CNIH3: variants seen among roughly 807,000 people sequenced by gnomAD.
CNIH3 encodes protein cornichon homolog 3.
A neutral mutation model predicts 24.1 loss-of-function variants in CNIH3; 14 were observed. The observed-to-expected ratio is 0.58, with a 90% CI of 0.38 to 0.91. The LOEUF is 0.91. Ranked by LOEUF, CNIH3 falls within the 40% of genes least tolerant of loss-of-function variation. CNIH3 has a pLI of 0.00. For synonymous variants in CNIH3, 68 were observed against 73.8 expected, an observed-to-expected ratio of 0.92 and a Z score of 0.40; for missense variants, 178 against 196.8, an observed-to-expected ratio of 0.90 and a Z score of 0.57.
Position 224,484,288 on chromosome 1 carries a change from G to A in CNIH3, n.204-31453G>A, listed in dbSNP as rs189693368. Among the ~76,000 whole-genome samples the A allele has an allele frequency of 2.2e-3, 334 of 152,116 alleles. 2 individuals are homozygous for A. The highest frequency in any genetic ancestry group is 7.6e-3 in the African/African-American group (315 of 41,506). On this transcript the variant is annotated intron_variant and non_coding_transcript_variant, in intron 1 of 5. Transcript: ENST00000471578. ...TACTAAAAATACAAAAAATTAGCCG[G>A]GCGCGGTAGTGGGCACCTGTAGTCC...
chr1:224,509,348 G>GGGAAAGAAGAAA (rs1288220805), intron 1 of CNIH3, among the ~76,000 whole-genome samples: 1 of 152,030 alleles, frequency 6.6e-6, no homozygotes, highest in African/African-American at 2.4e-5. Context: ...GAAAGAAGAA[G>GGGAAAGAAGAAA]GGAAAGAAGA....
chr1:224,496,333 G>A (rs1279683079), intron 1 of CNIH3, among the ~76,000 whole-genome samples: 1 of 152,180 alleles, frequency 6.6e-6, no homozygotes, highest in Non-Finnish European at 1.5e-5. Context: ...TGGCTGTCCC[G>A]TGGGCAGATG....
intron 5 of CNIH3, among the ~76,000 whole-genome samples, chr1:224,737,831 C>T (rs1689672724): frequency 1.3e-5 from 2 of 152,218 alleles, no homozygotes; most frequent in South Asian, 4.1e-4. Context: ...CACCCATCAC[C>T]CCACTTCTCA....
chr1:224,682,443 C>A (rs1686448115), intron 2 of CNIH3, among the ~76,000 whole-genome samples: 1 of 152,198 alleles, frequency 6.6e-6, no homozygotes, highest in Non-Finnish European at 1.5e-5. Flanking sequence ...CTGAGGCCCA[C>A]TTTGGCATCA....
intron 1 of CNIH3, among the ~76,000 whole-genome samples, chr1:224,486,770 T>C (rs969886131): frequency 6.6e-6 from 1 of 152,190 alleles, no homozygotes; most frequent in African/African-American, 2.4e-5. Context: ...TGAATAACAC[T>C]ACCTTCAAGA....
intron 1 of CNIH3, among the ~76,000 whole-genome samples, chr1:224,623,498 G>A (rs894593172): frequency 6.6e-6 from 1 of 152,116 alleles, no homozygotes; most frequent in Non-Finnish European, 1.5e-5. Flanking sequence ...TCAGCTGGAT[G>A]TGAGTCAGTT....
At chr1:224,554,188 T>C (rs1430860428) in intron 3 of CNIH3, among the ~76,000 whole-genome samples, 1 of 152,200 alleles carries the variant, frequency 6.6e-6, no homozygotes, top group Non-Finnish European at 1.5e-5. Context: ...GCTTGGCTTC[T>C]GTCTGGCAGA....
At chr1:224,646,926 A>G (rs1319187164) in intron 1 of CNIH3, among the ~76,000 whole-genome samples, 2 of 152,166 alleles carry the variant, frequency 1.3e-5, no homozygotes, top group Non-Finnish European at 2.9e-5. Flanking sequence ...TCAAGAGGAA[A>G]TGATTTAGCT....
intron 3 of CNIH3, among the ~76,000 whole-genome samples, chr1:224,605,961 T>G (rs1192314187): frequency 6.6e-6 from 1 of 152,190 alleles, no homozygotes; most frequent in Admixed American, 6.5e-5. Flanking sequence ...ATAGTTCCCT[T>G]GACCACTCTG....
intron 3 of CNIH3, among the ~76,000 whole-genome samples, chr1:224,551,404 G>A (rs1181283438): frequency 1.3e-5 from 2 of 152,114 alleles, no homozygotes; most frequent in East Asian, 3.9e-4. Flanking sequence ...AAAAAATGAT[G>A]AGTTCATGTC....
At chr1:224,530,610 C>CT (rs1053359409) in intron 2 of CNIH3, among the ~76,000 whole-genome samples, 7 of 147,746 alleles carry the variant, frequency 4.7e-5, no homozygotes, top group Admixed American at 6.7e-5. Flanking sequence ...TTCTTTTTTT[C>CT]TTTTTTTTTA....
At chr1:224,474,710 G>A (rs1192164979) in intron 1 of CNIH3, among the ~76,000 whole-genome samples, 3 of 151,888 alleles carry the variant, frequency 2.0e-5, no homozygotes, top group Admixed American at 2.0e-4. Context: ...TCCAGACTAA[G>A]AAAAAAAGAA....
Position 224,534,602 on chromosome 1 carries a change from A to G in CNIH3, n.344-2334A>G, listed in dbSNP as rs545446227. Among the ~76,000 whole-genome samples, 6 of 152,338 alleles carry G rather than the reference A, an allele frequency of 3.9e-5. No homozygotes were observed. In the East Asian group the frequency reaches 1.2e-3, roughly 29 times the overall value. ...GAACAGAGATTATTTTTCTTGAGTT[A>G]AAGTCTTTGGAAGAAGCAGTAATGG... On this transcript the variant is annotated intron_variant and non_coding_transcript_variant, in intron 2 of 2. Coordinates refer to the CNIH3 transcript ENST00000470602.
At chr1:224,620,898 G>A (rs1228727962) in intron 1 of CNIH3, among the ~76,000 whole-genome samples, 2 of 152,154 alleles carry the variant, frequency 1.3e-5, no homozygotes, top group Non-Finnish European at 2.9e-5. Flanking sequence ...GGTTTTTGAT[G>A]TGAAGTGATA....
chr1:224,683,867 A>G (rs56166009), intron 2 of CNIH3, among the ~76,000 whole-genome samples: 1 of 152,178 alleles, frequency 6.6e-6, no homozygotes, highest in Non-Finnish European at 1.5e-5. Context: ...TGTGAGGAGG[A>G]TGCAGTGTGT....
chr1:224,495,785 C>A (rs1677413789), intron 1 of CNIH3, among the ~76,000 whole-genome samples: 1 of 152,076 alleles, frequency 6.6e-6, no homozygotes, highest in Admixed American at 6.5e-5. Context: ...TGCAAACTCT[C>A]TGGGCAAGAG....
At chr1:224,464,128 C>T (rs1425803093) in intron 1 of CNIH3, among the ~76,000 whole-genome samples, 4 of 152,030 alleles carry the variant, frequency 2.6e-5, no homozygotes, top group Non-Finnish European at 4.4e-5. Flanking sequence ...TTTTGAAGAG[C>T]TTAACCTTTA....
chr1:224,548,836 G>T (rs1055623493), intron 3 of CNIH3, among the ~76,000 whole-genome samples: 5 of 151,716 alleles, frequency 3.3e-5, no homozygotes, highest in African/African-American at 1.2e-4. Flanking sequence ...AACAGGGGGT[G>T]TACACCCTGT....
At chr1:224,503,648 C>G (rs1312557298) in intron 1 of CNIH3, among the ~76,000 whole-genome samples, 1 of 152,228 alleles carries the variant, frequency 6.6e-6, no homozygotes, top group African/African-American at 2.4e-5. Flanking sequence ...CTGGCAACCG[C>G]ACAGGGCTGC....
Sources: allele counts gnomAD v4.1 joint callset (sites outside exome capture counted in the v4.1 genomes callset), GRCh38; gene constraint gnomAD v4.1.1; transcripts MANE v1.5; gene names NCBI Gene and HGNC (gene_info 2026-07-23, HGNC 2026-07-21).